Variants in HBS1L observed in about 807,000 individuals in gnomAD.
The protein encoded by HBS1L is HBS1 like translational GTPase.
HBS1L carries 55 observed loss-of-function variants against 88.9 expected under a neutral mutation model. The observed-to-expected ratio is 0.62, with a 90% CI of 0.50 to 0.77. HBS1L has a LOEUF of 0.77. HBS1L is among the 30% of genes least tolerant of loss of function. The pLI, the probability that HBS1L is intolerant of heterozygous loss-of-function variation, is 0.00. For missense variants in HBS1L, 741 were observed against 829.3 expected (o/e 0.89, Z 1.31); for synonymous variants, 267 against 288.5 (o/e 0.93, Z 0.76).
chr6:135,017,118 T>A (rs976847733), intron 4 of HBS1L, among the ~76,000 whole-genome samples: 1 of 152,228 alleles, frequency 6.6e-6, no homozygotes, highest in Non-Finnish European at 1.5e-5. Context: ...CTACACCTAG[T>A]GTTGACTGGT....
intron 16 of HBS1L, among the ~76,000 whole-genome samples, chr6:134,968,898 G>A (rs867979506): frequency 2.0e-5 from 3 of 152,084 alleles, no homozygotes; most frequent in Non-Finnish European, 4.4e-5. Context: ...ATTTGGAACC[G>A]GTGTCTAGAC....
At chr6:135,024,179 G>A (rs1776154326) in intron 4 of HBS1L, among the ~76,000 whole-genome samples, 1 of 152,018 alleles carries the variant, frequency 6.6e-6, no homozygotes, top group Non-Finnish European at 1.5e-5. Flanking sequence ...AGTGGCTCAC[G>A]CCTGTAATCC....
At chr6:135,046,004 T>A (rs998828282) in intron 2 of HBS1L, among the ~76,000 whole-genome samples, 1 of 152,198 alleles carries the variant, frequency 6.6e-6, no homozygotes, top group South Asian at 2.1e-4. Flanking sequence ...AAAACTCCAA[T>A]AAGTTGACAC....
rs1331304563 is a variant in HBS1L, at chr6:135,042,000, C to T, written c.235+1G>A. On this transcript the variant is annotated splice_donor_variant, in intron 3 of 17. Transcript: ENST00000367837. LOFTEE classifies it high-confidence loss of function. The stretch of plus-strand genomic sequence containing the variant: ...AACAGATACACTACTTTTTGCTATA[C>T]CTTGATCAAATCCACTGAGCTGATG... 1 of 1,612,136 alleles carries T rather than the reference C, an allele frequency of 6.2e-7. No homozygotes were observed. The highest frequency in any genetic ancestry group is 8.5e-7 in the Non-Finnish European group (1 of 1,179,236).
At chr6:134,995,063 G>A (rs372210535) in intron 7 of HBS1L, among the ~76,000 whole-genome samples, 1 of 149,858 alleles carries the variant, frequency 6.7e-6, no homozygotes, top group African/African-American at 2.4e-5. Context: ...CTAAAGTGAC[G>A]CTTAATTCTC....
chr6:135,038,230 T>A (rs1288257545), intron 4 of HBS1L, among the ~76,000 whole-genome samples: 2 of 152,320 alleles, frequency 1.3e-5, no homozygotes, highest in Non-Finnish European at 2.9e-5. Context: ...CCTTTACCAA[T>A]TTAAAGTAAC....
intron 15 of HBS1L, among the ~76,000 whole-genome samples, chr6:134,974,612 A>G (rs1774588553): frequency 6.6e-6 from 1 of 151,552 alleles, no homozygotes; most frequent in Non-Finnish European, 1.5e-5. Flanking sequence ...AGCATATGCA[A>G]GTCAATAAAT....
At chr6:134,982,407 T>C in intron 13 of HBS1L, 51 bp downstream of exon 13, 1 of 1,114,836 alleles carries the variant, frequency 9.0e-7, no homozygotes, top group Non-Finnish European at 1.4e-6. Flanking sequence ...TTTAAAAATC[T>C]GCTGTCTCAA....
intron 2 of HBS1L, among the ~76,000 whole-genome samples, chr6:135,047,878 C>T (rs1229139322): frequency 2.6e-5 from 4 of 152,174 alleles, no homozygotes; most frequent in Non-Finnish European, 4.4e-5. Flanking sequence ...AACTGTGATG[C>T]TGAATTATAG....
At chr6:135,019,715 T>C (rs1477423683) in intron 4 of HBS1L, among the ~76,000 whole-genome samples, 2 of 151,930 alleles carry the variant, frequency 1.3e-5, no homozygotes, top group Non-Finnish European at 2.9e-5. Flanking sequence ...AAAAAAGACA[T>C]ACAATAAGAT....
intron 5 of HBS1L, 74 bp from the exon 6 acceptor site, chr6:134,997,730 A>G: frequency 7.3e-7 from 1 of 1,363,202 alleles, no homozygotes; most frequent in Non-Finnish European, 1.0e-6. Context: ...AAGGGCAGAG[A>G]AACTGTTTCT....
At chr6:134,997,780 TA>T in intron 5 of HBS1L, 124 bp from the exon 6 acceptor site, 1 of 882,138 alleles carries the variant, frequency 1.1e-6, no homozygotes, top group South Asian at 1.6e-5. Context: ...TAATCTCTGC[TA>T]AGTAGCTAAA....
At chr6:134,980,611 G>GT (rs1201001321) in intron 13 of HBS1L, among the ~76,000 whole-genome samples, 1 of 151,810 alleles carries the variant, frequency 6.6e-6, no homozygotes, top group African/African-American at 2.4e-5. Context: ...TTTTCCAAAG[G>GT]TAATTATATT....
At position 134,964,167 on chromosome 6, in the gene HBS1L, T is replaced by C. The variant is rs1260217422; in HGVS notation, c.*1112A>G. The C allele has an allele frequency of 1.3e-5, 2 of 151,938 alleles. No homozygotes were observed. The highest frequency in any genetic ancestry group is 2.4e-5 in the African/African-American group (1 of 41,392). The allele number at this position is 151,938 out of a possible 1,614,324, so 9.4% of individuals were successfully genotyped here. A position where few individuals can be genotyped will look rare whatever the true frequency, so the allele number is the denominator to read the frequency against. On this transcript the variant is annotated 3_prime_UTR_variant, in exon 18 of 18. Coordinates refer to ENST00000367837, the MANE Select transcript of HBS1L (RefSeq NM_006620.4). ...GCTGTTGTATATGTTAAGCCATCGATATACAAATCACGCTGCTAATAAAAA... is the reference window on the plus strand; with the variant it reads ...GCTGTTGTATATGTTAAGCCATCGACATACAAATCACGCTGCTAATAAAAA...
chr6:135,011,994 T>A (rs1775789142), intron 4 of HBS1L, among the ~76,000 whole-genome samples: 1 of 146,614 alleles, frequency 6.8e-6, no homozygotes. Context: ...ATGGGCCAGG[T>A]CAATAAACAC....
intron 12 of HBS1L, among the ~76,000 whole-genome samples, chr6:134,984,455 G>GACAGAGGAT (rs1200472278): frequency 4.6e-5 from 7 of 152,144 alleles, no homozygotes; most frequent in Non-Finnish European, 8.8e-5. Flanking sequence ...AAAGCACAAT[G>GACAGAGGAT]ACAGAGGATA....
At position 134,964,053 on chromosome 6, in the gene HBS1L, C is replaced by G. The variant is rs1774245063; in HGVS notation, c.*1226G>C. ...CACTTGGTAATCATTCACTAAGCAA[C>G]ACATGTATAATCTGCCTACTTTACC... On this transcript the variant is annotated 3_prime_UTR_variant, in exon 18 of 18. Transcript: ENST00000367837. 1 of 152,140 alleles carries G rather than the reference C, an allele frequency of 6.6e-6. No homozygotes were observed. Among genetic ancestry groups the G allele is most frequent in the African/African-American group, 2.4e-5 (1 of 41,432 alleles). 9.4% of individuals were successfully genotyped at this position (152,140 alleles called of 1,614,324 possible). A position where few individuals can be genotyped will look rare whatever the true frequency, so the allele number is the denominator to read the frequency against.
intron 4 of HBS1L, chr6:135,035,750 C>CAAAAAAAAAAA (rs34517904): frequency 7.0e-5 from 5 of 71,084 alleles, no homozygotes; most frequent in East Asian, 5.0e-4. Context: ...GACTCTGTCT[C>CAAAAAAAAAAA]AAAAAAAAAA....
chr6:135,035,556 C>A (rs191688268), intron 4 of HBS1L, among the ~76,000 whole-genome samples: 1 of 150,718 alleles, frequency 6.6e-6, no homozygotes, highest in African/African-American at 2.4e-5. Context: ...CTGGCCAACA[C>A]GGTGAAACCC....
Sources: allele counts gnomAD v4.1 joint callset (sites outside exome capture counted in the v4.1 genomes callset), GRCh38; gene constraint gnomAD v4.1.1; transcripts MANE v1.5; gene names NCBI Gene and HGNC (gene_info 2026-07-23, HGNC 2026-07-21).